Variants in PPP2R5E observed in about 807,000 individuals in gnomAD.
PPP2R5E encodes the protein serine/threonine-protein phosphatase 2A 56 kDa regulatory subunit epsilon isoform.
PPP2R5E carries 4 observed loss-of-function variants against 65.3 expected under a neutral mutation model. That is an observed-to-expected ratio of 0.06 (90% CI 0.03 to 0.14). The LOEUF (loss-of-function observed/expected upper bound fraction) is 0.14, where lower values mean the gene tolerates loss of function less well. Among genes scored for constraint, PPP2R5E ranks in the 10% least tolerant of loss-of-function variants. PPP2R5E has a pLI of 1.00. For missense variants in PPP2R5E, 274 were observed against 556.1 expected (o/e 0.49, Z 5.10); for synonymous variants, 183 against 187.4 (o/e 0.98, Z 0.19).
intron 3 of PPP2R5E, among the ~76,000 whole-genome samples, chr14:63,445,505 G>A (rs922815790): frequency 6.6e-6 from 1 of 152,270 alleles, no homozygotes; most frequent in East Asian, 1.9e-4. Flanking sequence ...TCATCATAGC[G>A]GTGGTAGCTG....
At chr14:63,385,707 C>T (rs1251145215) in intron 11 of PPP2R5E, among the ~76,000 whole-genome samples, 2 of 152,184 alleles carry the variant, frequency 1.3e-5, no homozygotes, top group African/African-American at 2.4e-5. Context: ...GCTCATTTTA[C>T]AGGTGAGGAC....
chr14:63,407,590 A>C (rs1433408189), intron 5 of PPP2R5E, among the ~76,000 whole-genome samples: 1 of 152,214 alleles, frequency 6.6e-6, no homozygotes. Flanking sequence ...AAAAAATAGG[A>C]AGTGAAGATC....
At position 63,420,095 on chromosome 14, in the gene PPP2R5E, T is replaced by C. The variant is rs551759789; in HGVS notation, c.456+1898A>G. Among the ~76,000 whole-genome samples, 15 of 152,314 alleles carry C rather than the reference T, an allele frequency of 9.8e-5. No homozygotes were observed. The South Asian group carries it at 3.1e-3, about 32-fold the overall frequency. On this transcript the variant is annotated intron_variant, in intron 4 of 13. Transcript: ENST00000337537. ...TAGGGGAAATTTATGTCTATGGTTA[T>C]CATGACATAGAATATTCAAAAAGCT...
chr14:63,532,086 G>C (rs575387486), intron 2 of PPP2R5E, among the ~76,000 whole-genome samples: 1 of 152,190 alleles, frequency 6.6e-6, no homozygotes, highest in African/African-American at 2.4e-5. Context: ...AATCCCTATT[G>C]ATTCCCCATT....
chr14:63,411,927 A>C (rs1234749314), intron 5 of PPP2R5E, among the ~76,000 whole-genome samples: 2 of 152,210 alleles, frequency 1.3e-5, no homozygotes, highest in Admixed American at 1.3e-4. Context: ...ATGGCAGTGA[A>C]GTCTGGGCTT....
intron 2 of PPP2R5E, among the ~76,000 whole-genome samples, chr14:63,523,966 A>C (rs1893079337): frequency 6.6e-6 from 1 of 152,152 alleles, no homozygotes; most frequent in African/African-American, 2.4e-5. Flanking sequence ...CTGAATTCTC[A>C]CTATATTTCC....
chr14:63,525,144 T>C (rs999244518), intron 2 of PPP2R5E, among the ~76,000 whole-genome samples: 2 of 152,230 alleles, frequency 1.3e-5, no homozygotes, highest in Non-Finnish European at 2.9e-5. Context: ...TGTGGTACAT[T>C]GCCTGGCACA....
intron 2 of PPP2R5E, among the ~76,000 whole-genome samples, chr14:63,463,804 G>T (rs1324680107): frequency 6.6e-6 from 1 of 151,866 alleles, no homozygotes; most frequent in Non-Finnish European, 1.5e-5. Context: ...CACCGTGTTC[G>T]CCAGGATGGT....
chr14:63,531,135 TC>T (rs1374380323), intron 2 of PPP2R5E, among the ~76,000 whole-genome samples: 7 of 152,158 alleles, frequency 4.6e-5, no homozygotes, highest in Admixed American at 4.6e-4. Flanking sequence ...GCCATTGCGC[TC>T]CAGCCTGGGC....
intron 2 of PPP2R5E, among the ~76,000 whole-genome samples, chr14:63,515,327 AAAGT>A (rs1293821357): frequency 6.6e-6 from 1 of 152,218 alleles, no homozygotes; most frequent in Non-Finnish European, 1.5e-5. Flanking sequence ...TTTAGAATAA[AAAGT>A]AAGAACTCGA....
At chr14:63,410,145 G>C (rs1886318066) in intron 5 of PPP2R5E, among the ~76,000 whole-genome samples, 1 of 152,108 alleles carries the variant, frequency 6.6e-6, no homozygotes, top group South Asian at 2.1e-4. Context: ...AAATCTCATG[G>C]ATACAATAAA....
At chr14:63,377,943 T>C (rs1884085904) in intron 13 of PPP2R5E, among the ~76,000 whole-genome samples, 1 of 152,240 alleles carries the variant, frequency 6.6e-6, no homozygotes, top group South Asian at 2.1e-4. Context: ...CATAGCTCAC[T>C]GTAGCCTCAA....
intron 4 of PPP2R5E, among the ~76,000 whole-genome samples, chr14:63,416,950 C>CTTATT (rs201968247): frequency 0.012 from 1,896 of 152,226 alleles, 39 homozygotes; most frequent in Non-Finnish European, 0.019. Flanking sequence ...CTTTTTCTCC[C>CTTATT]ACATAATTGT....
intron 2 of PPP2R5E, among the ~76,000 whole-genome samples, chr14:63,528,945 C>G (rs527802627): frequency 2.4e-4 from 36 of 152,148 alleles, no homozygotes; most frequent in Non-Finnish European, 4.6e-4. Context: ...ATATATCAGA[C>G]AAGTGAACAA....
At chr14:63,398,607 T>C (rs971205095) in intron 5 of PPP2R5E, among the ~76,000 whole-genome samples, 2 of 152,230 alleles carry the variant, frequency 1.3e-5, no homozygotes, top group African/African-American at 2.4e-5. Context: ...CTGGCCAACA[T>C]GGTGAAATCC....
intron 3 of PPP2R5E, among the ~76,000 whole-genome samples, chr14:63,442,066 T>C (rs1048207888): frequency 1.1e-4 from 17 of 152,290 alleles, no homozygotes; most frequent in African/African-American, 4.1e-4. Flanking sequence ...ATTGTGGGAA[T>C]TGAGGAAGTA....
At chr14:63,416,494 T>C (rs1594849642) in intron 4 of PPP2R5E, among the ~76,000 whole-genome samples, 1 of 152,242 alleles carries the variant, frequency 6.6e-6, no homozygotes, top group East Asian at 1.9e-4. Context: ...GACTAACATG[T>C]ATCATCATCA....
chr14:63,459,002 T>A (rs923684378), intron 2 of PPP2R5E, among the ~76,000 whole-genome samples: 5 of 152,160 alleles, frequency 3.3e-5, no homozygotes, highest in Non-Finnish European at 5.9e-5. Flanking sequence ...AACTTTCTCT[T>A]AAGATGTACA....
At chr14:63,539,788 T>C in intron 1 of PPP2R5E, 96 bp from the exon 2 acceptor site, 1 of 1,267,670 alleles carries the variant, frequency 7.9e-7, no homozygotes, top group Non-Finnish European at 1.1e-6. Flanking sequence ...ACAATATTCA[T>C]GAAAATGGGA....
Sources: gnomAD v4.1 joint callset for allele counts (sites outside exome capture counted in the v4.1 genomes callset) on GRCh38, gnomAD v4.1.1 for gene constraint, MANE v1.5 for transcripts, NCBI Gene and HGNC (gene_info 2026-07-23, HGNC 2026-07-21) for gene names.